The following EYS variants were observed in gnomAD, a reference collection of about 807,000 sequenced individuals.
EYS encodes protein eyes shut homolog.
Under a neutral mutation model 282.1 loss-of-function variants are expected in EYS, and 250 were observed. The ratio of observed to expected loss-of-function variants is 0.89; its 90% CI spans 0.80 to 0.98. The LOEUF (loss-of-function observed/expected upper bound fraction) is 0.98. Ranked by LOEUF, EYS falls within the 50% of genes least tolerant of loss-of-function variation. EYS has a pLI of 0.00. For missense variants in EYS, 4,016 were observed against 3,709.0 expected (o/e 1.08, Z -2.15); for synonymous variants, 1,355 against 1,282.9 (o/e 1.06, Z -1.20).
intron 12 of EYS, among the ~76,000 whole-genome samples, chr6:65,144,188 T>A (rs1315998294): frequency 2.6e-5 from 4 of 152,270 alleles, no homozygotes; most frequent in East Asian, 3.9e-4. Context: ...ATTTCAGCTT[T>A]TTTATAATAT....
intron 26 of EYS, among the ~76,000 whole-genome samples, chr6:64,505,579 G>C (rs6920553): frequency 0.39 from 59,705 of 151,940 alleles, 12,058 homozygotes; most frequent in African/African-American, 0.51. Context: ...ATGGCAAAAT[G>C]CATTCTCCTT....
At chr6:64,452,212 T>C (rs1342243535) in intron 26 of EYS, among the ~76,000 whole-genome samples, 3 of 151,868 alleles carry the variant, frequency 2.0e-5, no homozygotes, top group Non-Finnish European at 4.4e-5. Flanking sequence ...TATACACCAA[T>C]AACAGACAAA....
At chr6:64,020,209 A>G (rs1769122323) in intron 33 of EYS, among the ~76,000 whole-genome samples, 1 of 152,202 alleles carries the variant, frequency 6.6e-6, no homozygotes, top group African/African-American at 2.4e-5. Context: ...TAGCTAGACT[A>G]GAGGAACTGA....
chr6:64,150,602 A>G (rs765730567), intron 31 of EYS, among the ~76,000 whole-genome samples: 4 of 152,192 alleles, frequency 2.6e-5, no homozygotes, highest in Non-Finnish European at 5.9e-5. Flanking sequence ...GAAAATTTTT[A>G]TATCATAAAT....
At chr6:65,466,064 A>G (rs1366072010) in intron 5 of EYS, among the ~76,000 whole-genome samples, 2 of 152,164 alleles carry the variant, frequency 1.3e-5, no homozygotes, top group African/African-American at 4.8e-5. Context: ...GGGACAGAGA[A>G]TTAGAAAAAC....
chr6:63,981,652 A>G (rs750942262), intron 35 of EYS, among the ~76,000 whole-genome samples: 24 of 151,866 alleles, frequency 1.6e-4, no homozygotes, highest in Non-Finnish European at 3.4e-4. Context: ...AAGTCTTTAA[A>G]CAGTGCATGC....
chr6:65,519,896 T>A (rs1403837983), intron 2 of EYS, among the ~76,000 whole-genome samples: 2 of 148,232 alleles, frequency 1.3e-5, no homozygotes, highest in East Asian at 2.0e-4. Flanking sequence ...TTTCTATTTT[T>A]TTTTTTTTGT....
intron 26 of EYS, among the ~76,000 whole-genome samples, chr6:64,485,476 GCAA>G (rs1776554052): frequency 6.6e-6 from 1 of 151,492 alleles, no homozygotes; most frequent in African/African-American, 2.4e-5. Flanking sequence ...TGCTCAATAG[GCAA>G]CAACTCCTTG....
intron 35 of EYS, among the ~76,000 whole-genome samples, chr6:63,877,961 C>T (rs965690137): frequency 6.6e-6 from 1 of 152,220 alleles, no homozygotes; most frequent in Non-Finnish European, 1.5e-5. Context: ...TCATCTGAAG[C>T]CTTCTTCTCT....
At chr6:64,593,537 T>C (rs1483669419) in intron 24 of EYS, among the ~76,000 whole-genome samples, 1 of 152,186 alleles carries the variant, frequency 6.6e-6, no homozygotes, top group Non-Finnish European at 1.5e-5. Context: ...AAATTTATTC[T>C]TAATTCCTTT....
intron 26 of EYS, among the ~76,000 whole-genome samples, chr6:64,457,995 A>G (rs868244320): frequency 6.6e-6 from 1 of 151,964 alleles, no homozygotes; most frequent in Non-Finnish European, 1.5e-5. Context: ...ACATAAAAAA[A>G]TTTTGTAGTT....
At chr6:65,046,650 C>T (rs1773111216) in intron 13 of EYS, among the ~76,000 whole-genome samples, 1 of 151,768 alleles carries the variant, frequency 6.6e-6, no homozygotes, top group African/African-American at 2.4e-5. Context: ...CTAGCAACTC[C>T]TAAAGAAAAA....
chr6:64,858,655 A>G (rs924324952), intron 19 of EYS, among the ~76,000 whole-genome samples: 1 of 152,094 alleles, frequency 6.6e-6, no homozygotes, highest in Non-Finnish European at 1.5e-5. Context: ...ATTGGTATTT[A>G]TGCTGTTTCA....
chr6:64,168,037 C>T (rs552599623), intron 31 of EYS, among the ~76,000 whole-genome samples: 71 of 152,234 alleles, frequency 4.7e-4, no homozygotes, highest in Non-Finnish European at 6.3e-4. Context: ...CCGAGGCAGG[C>T]GGATCACGAG....
intron 35 of EYS, among the ~76,000 whole-genome samples, chr6:63,960,677 A>G (rs1446557893): frequency 1.3e-5 from 2 of 152,102 alleles, no homozygotes; most frequent in Non-Finnish European, 2.9e-5. Flanking sequence ...GCAGTGATCA[A>G]TATCAAGGAC....
chr6:65,315,695 A>G (rs2150301416), intron 11 of EYS, among the ~76,000 whole-genome samples: 1 of 145,108 alleles, frequency 6.9e-6, no homozygotes, highest in East Asian at 2.0e-4. Flanking sequence ...CTAGTTTTTC[A>G]TTTTTATAAA....
rs78623310 is a variant in EYS at position 64,187,182 on chromosome 6, T to C, written c.6424+43410A>G. Among the ~76,000 whole-genome samples the C allele has an allele frequency of 4.1e-3, 622 of 152,280 alleles. 5 individuals carry two copies. Among genetic ancestry groups the C allele is most frequent in the African/African-American group, 0.014 (597 of 41,576 alleles). The stretch of plus-strand genomic sequence containing the variant: ...ATTTTTGGATCAAAGTGTGCATTTG[T>C]ACTTGGTGCTTTTTATCTCCCTTCT... On this transcript the variant is annotated intron_variant, in intron 31 of 42. Coordinates refer to ENST00000503581, the MANE Select transcript of EYS (RefSeq NM_001142800.2).
chr6:65,670,846 T>C (rs1768368946), intron 1 of EYS, among the ~76,000 whole-genome samples: 1 of 152,010 alleles, frequency 6.6e-6, no homozygotes, highest in African/African-American at 2.4e-5. Context: ...ACAATCCTTG[T>C]TTCCTTGGCC....
chr6:63,722,922 G>A (rs979454986), intron 42 of EYS, among the ~76,000 whole-genome samples: 1 of 152,168 alleles, frequency 6.6e-6, no homozygotes, highest in Non-Finnish European at 1.5e-5. Context: ...AGTATACTAT[G>A]TCGTTACATA....
Sources: allele counts gnomAD v4.1 joint callset (sites outside exome capture counted in the v4.1 genomes callset), GRCh38; gene constraint gnomAD v4.1.1; transcripts MANE v1.5; gene names NCBI Gene and HGNC (gene_info 2026-07-23, HGNC 2026-07-21).